FGFR1: variants seen among roughly 807,000 people sequenced by gnomAD.
The protein encoded by FGFR1 is FGFR1/PLAG1 fusion.
Under a neutral mutation model 93.7 loss-of-function variants are expected in FGFR1, and 18 were observed. The ratio of observed to expected loss-of-function variants is 0.19; its 90% CI spans 0.13 to 0.28. The LOEUF (loss-of-function observed/expected upper bound fraction) is 0.28. Among genes scored for constraint, FGFR1 ranks in the 10% least tolerant of loss-of-function variants. The pLI is 1.00. For missense variants in FGFR1, 731 were observed against 1,080.4 expected (o/e 0.68, Z 4.53); for synonymous variants, 448 against 429.3 (o/e 1.04, Z -0.54).
chr8:38,430,373 T>C (rs1196382689), intron 2 of FGFR1: 1 of 182,216 alleles, frequency 5.5e-6, no homozygotes, highest in Non-Finnish European at 1.2e-5. Flanking sequence ...TCCTTTGGGA[T>C]AGCTCAGCCT....
intron 1 of FGFR1, among the ~76,000 whole-genome samples, chr8:38,462,702 C>A (rs1439312818): frequency 6.6e-6 from 1 of 151,762 alleles, no homozygotes; most frequent in Non-Finnish European, 1.5e-5. Flanking sequence ...CACCGCCTCC[C>A]GGGTTCAAAC....
At chr8:38,448,785 T>C (rs553715027) in intron 2 of FGFR1, among the ~76,000 whole-genome samples, 1 of 151,974 alleles carries the variant, frequency 6.6e-6, no homozygotes, top group Admixed American at 6.6e-5. Context: ...CGAAAACCTG[T>C]CTCTACAAAA....
chr8:38,460,763 AAC>A (rs1834210137), intron 1 of FGFR1, among the ~76,000 whole-genome samples: 1 of 152,118 alleles, frequency 6.6e-6, no homozygotes, highest in Non-Finnish European at 1.5e-5. Flanking sequence ...GCCTGCAAAA[AAC>A]ACAGTGACAC....
rs1283242525 is a variant in FGFR1, at chr8:38,440,228, C to T, written c.92-10280G>A. On this transcript the variant is annotated intron_variant, in intron 2 of 17. Transcript: ENST00000447712. The stretch of plus-strand genomic sequence containing the variant: ...GCAACTTAAAAGGAGCACAGAACAG[C>T]GCAGCGGGGCTCCGGGGGCCCTCTG... The T allele has an allele frequency of 9.4e-6, 12 of 1,272,458 alleles. 1 individual carries two copies. The highest frequency in any genetic ancestry group is 7.6e-5 in the South Asian group (6 of 78,508). The allele number at this position is 1,272,458 out of a possible 1,614,324, so 78.8% of individuals were successfully genotyped here.
chr8:38,414,443 T>C (rs1563432758), intron 15 of FGFR1, 116 bp downstream of exon 15: 1 of 1,539,318 alleles, frequency 6.5e-7, no homozygotes, highest in Non-Finnish European at 8.9e-7. Flanking sequence ...AGACAATGTT[T>C]TGTTTTTCTC....
chr8:38,428,191 C>T (rs1586347360), intron 4 of FGFR1, 98 bp from the exon 5 acceptor site: 4 of 1,552,168 alleles, frequency 2.6e-6, no homozygotes, highest in Non-Finnish European at 3.6e-6. Context: ...GTGTCTTGCC[C>T]ATCTGCCCAA....
In FGFR1 at chr8:38,415,947, C is replaced by T. The variant is rs1271277323; in HGVS notation, c.1777G>A (p.Glu593Lys). Reference sequence around the variant, plus strand: ...ACCAGGTCCTTGGAGGAGAGCTGCTCCTCTGGGTTGTGGCTGGGGTTGTAG... The same window carrying T: ...ACCAGGTCCTTGGAGGAGAGCTGCTTCTCTGGGTTGTGGCTGGGGTTGTAG... Reference protein sequence around the residue: ...YCYNPSHNPEEQLSSKDLVSC... With the variant: ...YCYNPSHNPEKQLSSKDLVSC... The change falls in exon 13 of 18, where the codon GAG (glutamate) becomes AAG (lysine). Residue 593 changes from glutamate (E) to lysine (K), a missense_variant. Physicochemically the swap from Glu to Lys is moderately conservative, Grantham distance 56. Transcript: ENST00000447712. 2 of 1,614,000 alleles carry T rather than the reference C, an allele frequency of 1.2e-6. No homozygotes were observed. Among genetic ancestry groups the T allele is most frequent in the South Asian group, 1.1e-5 (1 of 91,078 alleles).
chr8:38,424,758 G>T lies in FGFR1; in HGVS notation c.746-59C>A. ...GGGACCTTGCCATGGCTAAAGAGGG[G>T]TGGGCTCACCTGCGCCCCACTTGGC... is the stretch of plus-strand genomic sequence containing the variant. On this transcript the variant is annotated intron_variant, in intron 6 of 17. Coordinates refer to ENST00000447712, the MANE Select transcript of FGFR1 (RefSeq NM_023110.3). This position sits in a 1 kb window ranked among gnomAD's most constrained non-coding sequence, Gnocchi z 4.3. 6.4e-7 allele frequency: 1 copy of T among 1,570,864 alleles called. No individual in the cohort carries two copies. The highest frequency in any genetic ancestry group is 8.7e-7 in the Non-Finnish European group (1 of 1,150,840).
chr8:38,433,216 G>A (rs1397406708), intron 2 of FGFR1, among the ~76,000 whole-genome samples: 1 of 152,126 alleles, frequency 6.6e-6, no homozygotes, highest in African/African-American at 2.4e-5. Flanking sequence ...GCACATGCCT[G>A]TAGTCCCAGC....
In FGFR1 at chr8:38,418,929, G is replaced by A. The variant is rs564635964; in HGVS notation, c.1285-556C>T. 6.6e-5 allele frequency among the ~76,000 whole-genome samples: 10 copies of A among 152,304 alleles called. No individual in the cohort carries two copies. The East Asian group carries it at 1.4e-3, about 21-fold the overall frequency. The stretch of plus-strand genomic sequence containing the variant: ...GGGAGGGACCTGGTAGGAGGTCATT[G>A]ACTCATGGGGGCAGGTCTTCCCTGT... On this transcript the variant is annotated intron_variant, in intron 9 of 17. Coordinates refer to ENST00000447712, the MANE Select transcript of FGFR1 (RefSeq NM_023110.3).
intron 11 of FGFR1, 49 bp from the exon 12 acceptor site, chr8:38,417,465 G>A (rs1817088364): frequency 6.6e-7 from 1 of 1,509,208 alleles, no homozygotes; most frequent in Non-Finnish European, 9.2e-7. Flanking sequence ...GAGGAGGGCA[G>A]GATAAAGGCT....
chr8:38,423,496 A>G, intron 7 of FGFR1: 1 of 291,116 alleles, frequency 3.4e-6, no homozygotes, highest in South Asian at 3.3e-5. Context: ...TAATTTTTGT[A>G]TTTTTAGTAG....
rs557139003 is a variant in FGFR1 at position 38,432,559 on chromosome 8, T to C, written c.92-2611A>G. Among the ~76,000 whole-genome samples, 7 of 152,124 alleles carry C rather than the reference T, an allele frequency of 4.6e-5. No homozygotes were observed. In the East Asian group the frequency reaches 1.4e-3, roughly 30 times the overall value. On this transcript the variant is annotated intron_variant, in intron 2 of 17. Transcript: ENST00000447712. ...TCCTGAGTTGCTGGGATTACAGGCA[T>C]GCGCCACCATGCCCAGCTAATTTTT...
intron 1 of FGFR1, among the ~76,000 whole-genome samples, chr8:38,459,143 G>C (rs546722549): frequency 6.6e-6 from 1 of 152,186 alleles, no homozygotes; most frequent in Admixed American, 6.5e-5. Flanking sequence ...CAAGTGACAA[G>C]ACTTTCTGGG....
At chr8:38,437,697 G>A (rs964408525) in intron 2 of FGFR1, among the ~76,000 whole-genome samples, 2 of 152,164 alleles carry the variant, frequency 1.3e-5, no homozygotes, top group African/African-American at 2.4e-5. Context: ...GAAGGTTCAT[G>A]GGAGAAAACA....
At chr8:38,427,105 TAAA>T (rs35028972) in intron 5 of FGFR1, among the ~76,000 whole-genome samples, 3 of 134,046 alleles carry the variant, frequency 2.2e-5, no homozygotes, top group Admixed American at 1.5e-4. Context: ...AGACTCCGTC[TAAA>T]AAAAAAAAAA....
At chr8:38,447,451 AATGTCAAGC>A (rs534053224) in intron 2 of FGFR1, among the ~76,000 whole-genome samples, 277 of 152,216 alleles carry the variant, frequency 1.8e-3, no homozygotes, top group African/African-American at 6.4e-3. Context: ...AAAATGGGAA[AATGTCAAGC>A]ATGCAGAGTG....
At chr8:38,432,260 C>T (rs1368681460) in intron 2 of FGFR1, among the ~76,000 whole-genome samples, 1 of 152,170 alleles carries the variant, frequency 6.6e-6, no homozygotes, top group Non-Finnish European at 1.5e-5. Flanking sequence ...CCAACCAGAA[C>T]GTGCAAACAA....
At position 38,412,452 on chromosome 8, in the gene FGFR1, C is replaced by T. The variant is rs958989204; in HGVS notation, c.*1176G>A. ...TTCCTTGGAGGAAACCATCCATGGT[C>T]GATGGCTGCTGGGCCTTGACTCTCT... On this transcript the variant is annotated 3_prime_UTR_variant, in exon 18 of 18. Transcript: ENST00000447712. 6.9e-5 allele frequency: 16 copies of T among 232,800 alleles called. No homozygotes were observed. The highest frequency in any genetic ancestry group is 1.2e-3 in the Middle Eastern group (1 of 808). The allele number at this position is 232,800 out of a possible 1,614,324, so 14.4% of individuals were successfully genotyped here.
Sources: gnomAD v4.1 joint callset for allele counts (sites outside exome capture counted in the v4.1 genomes callset) on GRCh38, gnomAD v4.1.1 for gene constraint, Gnocchi (gnomAD v3.1) non-coding constraint, MANE v1.5 for transcripts, NCBI Gene and HGNC (gene_info 2026-07-23, HGNC 2026-07-21) for gene names.